Variants in SCN9A observed in about 807,000 individuals in gnomAD.
SCN9A encodes sodium channel protein type 9 subunit alpha.
SCN9A carries 131 observed loss-of-function variants against 187.0 expected under a neutral mutation model. That is an observed-to-expected ratio of 0.70 (90% CI 0.61 to 0.81). The LOEUF is 0.81. SCN9A is among the 30% of genes least tolerant of loss of function. SCN9A has a pLI of 0.00. For missense variants in SCN9A, 2,252 were observed against 2,396.6 expected, an observed-to-expected ratio of 0.94 and a Z score of 1.26; for synonymous variants, 809 against 808.6, an observed-to-expected ratio of 1.00 and a Z score of -0.01.
chr2:166,295,821 C>T (rs1000091174), intron 7 of SCN9A, among the ~76,000 whole-genome samples: 2 of 152,136 alleles, frequency 1.3e-5, no homozygotes, highest in Non-Finnish European at 2.9e-5. Flanking sequence ...TTCCATGTTT[C>T]ACCTTTCATG....
At chr2:166,294,307 T>C (rs1259396779) in intron 8 of SCN9A, among the ~76,000 whole-genome samples, 2 of 152,144 alleles carry the variant, frequency 1.3e-5, no homozygotes, top group African/African-American at 2.4e-5. Context: ...CCTGAAATTA[T>C]CCAACCAACT....
At chr2:166,369,586 G>C (rs950507908) in intron 1 of SCN9A, among the ~76,000 whole-genome samples, 3 of 152,122 alleles carry the variant, frequency 2.0e-5, no homozygotes, top group African/African-American at 7.2e-5. Flanking sequence ...TGTTAAGAGG[G>C]AAACAAATTC....
intron 20 of SCN9A, among the ~76,000 whole-genome samples, chr2:166,235,434 A>G (rs1338284506): frequency 6.6e-6 from 1 of 152,184 alleles, no homozygotes; most frequent in Non-Finnish European, 1.5e-5. Flanking sequence ...GAAATCAGAC[A>G]AGTCCATTCT....
At chr2:166,362,118 A>C (rs1700299834) in intron 1 of SCN9A, among the ~76,000 whole-genome samples, 1 of 152,122 alleles carries the variant, frequency 6.6e-6, no homozygotes, top group Non-Finnish European at 1.5e-5. Context: ...GAGAATCTAT[A>C]TTAGCAAAGG....
chr2:166,288,682 GTT>G (rs545665657), intron 9 of SCN9A, 39 bp from the exon 10 acceptor site: 17 of 1,460,388 alleles, frequency 1.2e-5, no homozygotes, highest in Admixed American at 6.7e-5. Flanking sequence ...ACAATAAAAA[GTT>G]TTTTTAGTAA....
chr2:166,323,890 A>G (rs1394856682), intron 1 of SCN9A, among the ~76,000 whole-genome samples: 2 of 151,592 alleles, frequency 1.3e-5, no homozygotes, highest in Admixed American at 6.6e-5. Context: ...AACTTTTGAC[A>G]TCTCTTGTAG....
chr2:166,271,519 T>C (rs918762560), intron 17 of SCN9A, among the ~76,000 whole-genome samples: 1 of 152,062 alleles, frequency 6.6e-6, no homozygotes. Context: ...TCAAAGCTGG[T>C]TAGGGCCATA....
At chr2:166,221,652 C>A (rs1384420132) in intron 24 of SCN9A, among the ~76,000 whole-genome samples, 4 of 152,164 alleles carry the variant, frequency 2.6e-5, no homozygotes, top group Non-Finnish European at 5.9e-5. Flanking sequence ...CCAGCCTTAG[C>A]CTCCCGAGTT....
At chr2:166,356,804 C>A (rs1700160803) in intron 1 of SCN9A, among the ~76,000 whole-genome samples, 1 of 152,140 alleles carries the variant, frequency 6.6e-6, no homozygotes, top group African/African-American at 2.4e-5. Context: ...AAAGCTACTT[C>A]TTTTTATAGC....
Position 166,234,248 on chromosome 2 carries a change from A to G in SCN9A, c.3802-786T>C, listed in dbSNP as rs1225873533. On this transcript the variant is annotated intron_variant, in intron 20 of 26. Coordinates refer to ENST00000642356, the MANE Select transcript of SCN9A (RefSeq NM_001365536.1). ...TAGTTACAAAGCAATGAGCTCCTCC[A>G]TGACCTTAGATCTGGATCTATAAAT... 2.0e-5 allele frequency among the ~76,000 whole-genome samples: 3 copies of G among 152,238 alleles called. No homozygotes were observed. The East Asian group carries it at 5.8e-4, about 29-fold the overall frequency.
chr2:166,231,522 G>T (rs1359279584), intron 21 of SCN9A, among the ~76,000 whole-genome samples: 3 of 150,060 alleles, frequency 2.0e-5, no homozygotes, highest in Non-Finnish European at 4.4e-5. Context: ...TGACTCAGTA[G>T]GTCTGGGGTG....
intron 23 of SCN9A, 32 bp from the exon 24 acceptor site, chr2:166,226,736 G>C: frequency 1.3e-6 from 2 of 1,486,590 alleles, no homozygotes; most frequent in Non-Finnish European, 1.8e-6. Context: ...GCATTATATG[G>C]ACAGTAACAT....
chr2:166,305,647 C>T, intron 5 of SCN9A, 145 bp downstream of exon 5: 1 of 1,071,456 alleles, frequency 9.3e-7, no homozygotes, highest in Non-Finnish European at 1.4e-6. Flanking sequence ...CTATCAATGA[C>T]TAGCTTTCAT....
At position 166,198,611 on chromosome 2, in the gene SCN9A, GT is replaced by G; in HGVS notation, c.*60del. 1 of 1,298,400 alleles carries G rather than the reference GT, an allele frequency of 7.7e-7. No individual in the cohort carries two copies. Among genetic ancestry groups the G allele is most frequent in the Non-Finnish European group, 1.0e-6 (1 of 953,530 alleles). 80.4% of individuals were successfully genotyped at this position (1,298,400 alleles called of 1,614,324 possible). A position where few individuals can be genotyped will look rare whatever the true frequency, so the allele number is the denominator to read the frequency against. On this transcript the variant is annotated 3_prime_UTR_variant, in exon 27 of 27. Transcript: ENST00000642356. ...TTTTGGCATAGACTTCCTCAAAAGA[GT>G]TTTATTAACACAAATAAATCACTTT...
chr2:166,229,982 T>C (rs1486289372), intron 21 of SCN9A, among the ~76,000 whole-genome samples: 2 of 152,236 alleles, frequency 1.3e-5, no homozygotes, highest in Non-Finnish European at 2.9e-5. Context: ...TGCAATGTAT[T>C]AAGCAGGTTC....
At chr2:166,279,004 AT>A (rs1697360134) in intron 14 of SCN9A, among the ~76,000 whole-genome samples, 1 of 152,170 alleles carries the variant, frequency 6.6e-6, no homozygotes, top group Non-Finnish European at 1.5e-5. Context: ...GCAGGAGTCA[AT>A]TTTCAAATAA....
At chr2:166,210,498 A>C (rs1694035679) in intron 24 of SCN9A, among the ~76,000 whole-genome samples, 1 of 144,626 alleles carries the variant, frequency 6.9e-6, no homozygotes, top group African/African-American at 2.6e-5. Context: ...TAAAATTAAA[A>C]AACCCTCAAA....
intron 1 of SCN9A, among the ~76,000 whole-genome samples, chr2:166,335,279 G>A (rs1699599690): frequency 6.6e-6 from 1 of 152,076 alleles, no homozygotes; most frequent in Non-Finnish European, 1.5e-5. Flanking sequence ...AACAAGAGTT[G>A]AGCCAATGAA....
intron 1 of SCN9A, among the ~76,000 whole-genome samples, chr2:166,314,427 A>C (rs917208561): frequency 6.6e-6 from 1 of 152,346 alleles, no homozygotes. Context: ...AAAGGTAAAG[A>C]GTAAGTTATG....
Sources: gnomAD v4.1 joint callset for allele counts (sites outside exome capture counted in the v4.1 genomes callset) on GRCh38, gnomAD v4.1.1 for gene constraint, MANE v1.5 for transcripts, NCBI Gene and HGNC (gene_info 2026-07-23, HGNC 2026-07-21) for gene names.